USP48: variants seen among roughly 807,000 people sequenced by gnomAD.
The protein encoded by USP48 is ubiquitin carboxyl-terminal hydrolase 48.
Under a neutral mutation model 150.7 loss-of-function variants are expected in USP48, and 43 were observed. The ratio of observed to expected loss-of-function variants is 0.29; its 90% CI spans 0.22 to 0.37. The LOEUF is 0.37. Among genes scored for constraint, USP48 ranks in the 10% least tolerant of loss-of-function variants. USP48 has a pLI of 1.00. For synonymous variants in USP48, 396 were observed against 425.9 expected (o/e 0.93, Z 0.86); for missense variants, 813 against 1,249.6 (o/e 0.65, Z 5.27).
intron 1 of USP48, among the ~76,000 whole-genome samples, chr1:21,775,835 G>C (rs10799713): frequency 0.72 from 109,063 of 152,002 alleles, 39,900 homozygotes; most frequent in Admixed American, 0.8. Flanking sequence ...TTGAGCCCAG[G>C]AGTTTGAGAC....
rs533567233 is a variant in USP48 at position 21,715,123 on chromosome 1, C to T, written c.1963+266G>A. On this transcript the variant is annotated intron_variant, in intron 15 of 26. Transcript: ENST00000308271. Reference sequence around the variant, plus strand: ...AACAAGATGAAGAAGAAGAAACATACGAGCACTATTCTCAAAGTGTTTAAC... The same window carrying T: ...AACAAGATGAAGAAGAAGAAACATATGAGCACTATTCTCAAAGTGTTTAAC... 2.0e-4 allele frequency: 71 copies of T among 356,276 alleles called. No homozygotes were observed. The East Asian group carries it at 3.6e-3, about 18-fold the overall frequency. 22.1% of individuals were successfully genotyped at this position (356,276 alleles called of 1,614,324 possible). A position where few individuals can be genotyped will look rare whatever the true frequency, so the allele number is the denominator to read the frequency against.
At chr1:21,738,118 C>T (rs548537673) in intron 8 of USP48, among the ~76,000 whole-genome samples, 22 of 150,332 alleles carry the variant, frequency 1.5e-4, no homozygotes, top group African/African-American at 4.9e-4. Context: ...AGTGCAATGG[C>T]GTGATCTCGG....
chr1:21,695,250 C>T, intron 22 of USP48, 29 bp from the exon 23 acceptor site: 2 of 1,570,256 alleles, frequency 1.3e-6, no homozygotes, highest in Non-Finnish European at 1.7e-6. Context: ...ATGAAGAAAG[C>T]ACTGAAATTA....
At chr1:21,738,019 T>G (rs1001258418) in intron 8 of USP48, among the ~76,000 whole-genome samples, 3 of 152,006 alleles carry the variant, frequency 2.0e-5, no homozygotes, top group Admixed American at 2.0e-4. Context: ...CACCTCAACC[T>G]CCAGGAGTAG....
chr1:21,742,217 G>A (rs1400956246), intron 8 of USP48, among the ~76,000 whole-genome samples: 4 of 152,056 alleles, frequency 2.6e-5, no homozygotes, highest in Non-Finnish European at 4.4e-5. Flanking sequence ...GCCAGAAAAA[G>A]CCTATCTTCC....
chr1:21,780,270 GGAA>G (rs2097911121), intron 1 of USP48, among the ~76,000 whole-genome samples: 3 of 152,188 alleles, frequency 2.0e-5, no homozygotes, highest in Non-Finnish European at 4.4e-5. Context: ...GATAACCCTT[GGAA>G]ACATTACGTT....
intron 1 of USP48, among the ~76,000 whole-genome samples, chr1:21,781,515 G>A (rs549392490): frequency 6.6e-6 from 1 of 152,214 alleles, no homozygotes; most frequent in East Asian, 1.9e-4. Flanking sequence ...TGGGCAGATC[G>A]CTTGAGCCCA....
At chr1:21,729,884 T>C in intron 9 of USP48, 52 bp from the exon 10 acceptor site, 1 of 1,612,268 alleles carries the variant, frequency 6.2e-7, no homozygotes, top group Non-Finnish European at 8.5e-7. Flanking sequence ...AGAGTTTGTT[T>C]ATTCTTTAGC....
At chr1:21,767,653 T>C (rs944040046) in intron 1 of USP48, among the ~76,000 whole-genome samples, 14 of 151,814 alleles carry the variant, frequency 9.2e-5, no homozygotes, top group Non-Finnish European at 4.4e-5. Flanking sequence ...TTTTTTTTTT[T>C]CTAGAGACAG....
rs1180549304 is a variant in USP48, at chr1:21,729,713, G to C, written c.1291C>G (p.Gln431Glu). The C allele has an allele frequency of 2.5e-6, 4 of 1,613,808 alleles. No individual in the cohort carries two copies. Among genetic ancestry groups the C allele is most frequent in the Non-Finnish European group, 3.4e-6 (4 of 1,179,834 alleles). ...TGGAAAACTGCTTTACCTGGAACTTGAACAGTAGTGTTGGGCTTTTCTTGA... is the reference window on the plus strand; with the variant it reads ...TGGAAAACTGCTTTACCTGGAACTTCAACAGTAGTGTTGGGCTTTTCTTGA... ...QTQEKPNTTVQVPAFLQELVD... is the reference protein window; with the variant it reads ...QTQEKPNTTVEVPAFLQELVD... The change falls in exon 10 of 27, where the codon CAA (glutamine) becomes GAA (glutamate). Residue 431 changes from glutamine (Q) to glutamate (E), a missense_variant. Physicochemically the swap from Gln to Glu is conservative, Grantham distance 29 (BLOSUM62 2). Coordinates refer to ENST00000308271, the MANE Select transcript of USP48 (RefSeq NM_032236.8).
At position 21,729,845 on chromosome 1, in the gene USP48, A is replaced by T; in HGVS notation, c.1172-13T>A. The T allele has an allele frequency of 6.2e-7, 1 of 1,613,862 alleles. No homozygotes were observed. Among genetic ancestry groups the T allele is most frequent in the African/African-American group, 1.3e-5 (1 of 75,030 alleles). ...TTAGAAGGTTCTGCTGAGATAGAGAAATCAAAAGGTACCTTAACTTAAGTG... is the reference window on the plus strand; with the variant it reads ...TTAGAAGGTTCTGCTGAGATAGAGATATCAAAAGGTACCTTAACTTAAGTG... On this transcript the variant is annotated splice_polypyrimidine_tract_variant and intron_variant, in intron 9 of 26. Transcript: ENST00000308271.
chr1:21,752,060 G>C (rs1198790905), intron 5 of USP48, among the ~76,000 whole-genome samples: 1 of 151,784 alleles, frequency 6.6e-6, no homozygotes, highest in Non-Finnish European at 1.5e-5. Flanking sequence ...AAAGTGCCTG[G>C]TGAAGCTAAA....
intron 25 of USP48, among the ~76,000 whole-genome samples, chr1:21,685,656 A>G (rs749672998): frequency 3.3e-5 from 5 of 152,190 alleles, no homozygotes; most frequent in Non-Finnish European, 5.9e-5. Context: ...ATTGATGTAT[A>G]GTAATGCTGC....
intron 1 of USP48, among the ~76,000 whole-genome samples, chr1:21,778,595 T>C (rs920700477): frequency 1.4e-4 from 11 of 79,606 alleles, no homozygotes; most frequent in Admixed American, 2.0e-4. Context: ...AGCAAGACCC[T>C]CATCTTAAAA....
intron 2 of USP48, 128 bp downstream of exon 2, chr1:21,757,535 T>C (rs1181937668): frequency 4.9e-6 from 5 of 1,015,890 alleles, no homozygotes; most frequent in Non-Finnish European, 6.9e-6. Context: ...TCTTAAGTTC[T>C]ACTGCTTATC....
intron 25 of USP48, among the ~76,000 whole-genome samples, chr1:21,682,167 A>G (rs1250666954): frequency 6.6e-6 from 1 of 152,218 alleles, no homozygotes; most frequent in Non-Finnish European, 1.5e-5. Flanking sequence ...GAAGCCCTGA[A>G]TATGTTCAAG....
intron 14 of USP48, among the ~76,000 whole-genome samples, chr1:21,717,439 T>TA (rs142138832): frequency 0.11 from 11,658 of 104,554 alleles, 518 homozygotes; most frequent in Non-Finnish European, 0.13. Flanking sequence ...ACAAAACAAA[T>TA]AAAAAAAAAC....
rs1489749177 is a variant in USP48, at chr1:21,771,970, AT to A, written c.134+10853del. On this transcript the variant is annotated intron_variant, in intron 1 of 26. Coordinates refer to ENST00000308271, the MANE Select transcript of USP48 (RefSeq NM_032236.8). The stretch of plus-strand genomic sequence containing the variant: ...ACCCAAGTAAATATGGGAATTTGCC[AT>A]GTAATAAAGGTGGATTTTTAACTGG... Among the ~76,000 whole-genome samples the A allele has an allele frequency of 2.6e-5, 4 of 152,144 alleles. 1 individual carries two copies. Among genetic ancestry groups the A allele is most frequent in the Admixed American group, 2.6e-4 (4 of 15,244 alleles).
intron 1 of USP48, among the ~76,000 whole-genome samples, chr1:21,770,689 C>T (rs2097877303): frequency 6.6e-6 from 1 of 151,176 alleles, no homozygotes; most frequent in Non-Finnish European, 1.5e-5. Context: ...ACCATATTGG[C>T]CAGACTGGTC....
Sources: gnomAD v4.1 joint callset for allele counts (sites outside exome capture counted in the v4.1 genomes callset) on GRCh38, gnomAD v4.1.1 for gene constraint, MANE v1.5 for transcripts, NCBI Gene and HGNC (gene_info 2026-07-23, HGNC 2026-07-21) for gene names.